The following CDH12 variants were observed in gnomAD, a reference collection of about 807,000 sequenced individuals.
CDH12 encodes cadherin-12.
CDH12 carries 41 observed loss-of-function variants against 74.1 expected under a neutral mutation model. The ratio of observed to expected loss-of-function variants is 0.55; its 90% CI spans 0.43 to 0.72. CDH12 has a LOEUF of 0.72. Among genes scored for constraint, CDH12 ranks in the 30% least tolerant of loss-of-function variants. The pLI is 0.00. For synonymous variants in CDH12, 399 were observed against 355.0 expected, an observed-to-expected ratio of 1.12 and a Z score of -1.39; for missense variants, 945 against 977.2, an observed-to-expected ratio of 0.97 and a Z score of 0.44.
intron 5 of CDH12, among the ~76,000 whole-genome samples, chr5:22,040,883 A>G (rs146871921): frequency 6.6e-6 from 1 of 152,266 alleles, no homozygotes; most frequent in African/African-American, 2.4e-5. Context: ...GAAAAAGTAA[A>G]TATGTGGCCA....
At chr5:21,827,589 A>G (rs1748752316) in intron 8 of CDH12, among the ~76,000 whole-genome samples, 1 of 152,176 alleles carries the variant, frequency 6.6e-6, no homozygotes, top group Non-Finnish European at 1.5e-5. Context: ...TAGTTCTACT[A>G]CTTATTATGT....
chr5:22,285,134 T>C (rs1326119025), intron 3 of CDH12, among the ~76,000 whole-genome samples: 1 of 152,122 alleles, frequency 6.6e-6, no homozygotes, highest in African/African-American at 2.4e-5. Context: ...CAAAGTGGGA[T>C]AGGGAGTGAG....
intron 4 of CDH12, among the ~76,000 whole-genome samples, chr5:22,199,713 T>C (rs1312371712): frequency 6.6e-6 from 1 of 152,180 alleles, no homozygotes; most frequent in Non-Finnish European, 1.5e-5. Context: ...CTGTTTACTT[T>C]TTGTTTGACA....
At chr5:22,842,120 T>G (rs2126524422) in intron 1 of CDH12, among the ~76,000 whole-genome samples, 1 of 152,274 alleles carries the variant, frequency 6.6e-6, no homozygotes. Context: ...CATAATAGCA[T>G]CCATGGAACT....
chr5:22,044,084 A>G (rs1739761420), intron 5 of CDH12, among the ~76,000 whole-genome samples: 1 of 152,200 alleles, frequency 6.6e-6, no homozygotes, highest in African/African-American at 2.4e-5. Context: ...ATAGAAAAAA[A>G]TCCTAAAAAT....
intron 5 of CDH12, among the ~76,000 whole-genome samples, chr5:22,069,951 T>A (rs1044061013): frequency 1.3e-5 from 2 of 152,170 alleles, no homozygotes; most frequent in African/African-American, 4.8e-5. Flanking sequence ...GCTGAGTTGC[T>A]TGCTGACAGC....
chr5:22,274,389 C>T (rs1736530595), intron 3 of CDH12, among the ~76,000 whole-genome samples: 1 of 152,072 alleles, frequency 6.6e-6, no homozygotes, highest in Non-Finnish European at 1.5e-5. Context: ...CACATATCCT[C>T]TTTTATTGTT....
rs755980720 is a variant in CDH12, at chr5:21,751,915, A to G, written c.2207T>C (p.Leu736Pro). The G allele has an allele frequency of 1.2e-6, 2 of 1,613,978 alleles. No individual in the cohort carries two copies. Among genetic ancestry groups the G allele is most frequent in the Admixed American group, 1.7e-5 (1 of 59,968 alleles). ...VDPTAPPYDS[L>P]ATYAYEGSGS... The stretch of plus-strand genomic sequence containing the variant: ...ACTCCCTTCGTAGGCATATGTGGCC[A>G]GTGAATCGTATGGTGGGGCAGTTGG... The change falls in exon 15 of 15, where the codon CTG (leucine) becomes CCG (proline). Residue 736 changes from leucine (L) to proline (P), a missense_variant. Physicochemically the swap from Leu to Pro is moderately conservative, Grantham distance 98. Around this residue, in one of 3 missense-constraint regions of CDH12, gnomAD observed 791 missense variants for 792.8 expected, o/e 1.00. Coordinates refer to ENST00000382254, the MANE Select transcript of CDH12 (RefSeq NM_004061.5).
intron 4 of CDH12, among the ~76,000 whole-genome samples, chr5:22,084,319 T>G (rs1561093087): frequency 6.6e-6 from 1 of 152,264 alleles, no homozygotes; most frequent in East Asian, 1.9e-4. Context: ...CAATTCTACA[T>G]TTGAGGATTG....
At chr5:22,540,298 CAA>C (rs1469276504) in intron 1 of CDH12, among the ~76,000 whole-genome samples, 3 of 151,832 alleles carry the variant, frequency 2.0e-5, no homozygotes, top group African/African-American at 4.8e-5. Context: ...AAATGTATTT[CAA>C]GAGAAAACTA....
At chr5:22,111,560 T>G (rs1443762828) in intron 4 of CDH12, among the ~76,000 whole-genome samples, 2 of 152,212 alleles carry the variant, frequency 1.3e-5, no homozygotes, top group African/African-American at 4.8e-5. Context: ...CACTTGAATA[T>G]TCCCTGCACA....
At chr5:22,733,293 A>G (rs1362541883) in intron 1 of CDH12, among the ~76,000 whole-genome samples, 1 of 151,950 alleles carries the variant, frequency 6.6e-6, no homozygotes, top group Admixed American at 6.6e-5. Context: ...AAAATGTGGT[A>G]TGACTTTCTT....
chr5:21,907,989 G>T (rs1261358697), intron 6 of CDH12, among the ~76,000 whole-genome samples: 5 of 152,182 alleles, frequency 3.3e-5, no homozygotes, highest in Non-Finnish European at 5.9e-5. Context: ...TGTGAAAGCT[G>T]TAACTATTAC....
chr5:22,346,907 A>G (rs1740140710), intron 3 of CDH12, among the ~76,000 whole-genome samples: 1 of 152,198 alleles, frequency 6.6e-6, no homozygotes, highest in South Asian at 2.1e-4. Flanking sequence ...AAAGAAAAAA[A>G]CCTAGAAGTG....
chr5:21,997,850 T>C (rs1458037370), intron 5 of CDH12, among the ~76,000 whole-genome samples: 4 of 152,278 alleles, frequency 2.6e-5, no homozygotes, highest in Admixed American at 2.6e-4. Flanking sequence ...CCTGATTATT[T>C]AGGATTGCCT....
At chr5:22,833,494 A>C (rs1448473045) in intron 1 of CDH12, among the ~76,000 whole-genome samples, 10 of 152,354 alleles carry the variant, frequency 6.6e-5, no homozygotes, top group African/African-American at 2.2e-4. Flanking sequence ...TAATTGATAC[A>C]AACATTGAGT....
intron 1 of CDH12, among the ~76,000 whole-genome samples, chr5:22,779,612 G>C (rs1054462600): frequency 1.3e-5 from 2 of 152,116 alleles, no homozygotes; most frequent in African/African-American, 4.8e-5. Context: ...TTGGATCATG[G>C]AGGCAGTTTC....
intron 2 of CDH12, among the ~76,000 whole-genome samples, chr5:22,466,776 CTTTTTTTTTTTTTTT>C (rs70959733): frequency 2.0e-5 from 1 of 50,968 alleles, no homozygotes; most frequent in South Asian, 1.1e-3. Context: ...CCTCAGGAAT[CTTTTTTTTTTTTTTT>C]TTTTTTTTTT....
At position 21,977,604 on chromosome 5, in the gene CDH12, T is replaced by A. The variant is rs552063307; in HGVS notation, c.232-2219A>T. Among the ~76,000 whole-genome samples the A allele has an allele frequency of 3.3e-5, 5 of 152,208 alleles. No homozygotes were observed. The East Asian group carries it at 9.7e-4, about 29-fold the overall frequency. ...AGAAAAAAGAAAAACAAAACAAAAA[T>A]TTCTGTATTTAGCTAAAATCATAAC... On this transcript the variant is annotated intron_variant, in intron 5 of 14. Transcript: ENST00000382254.
Sources: allele counts gnomAD v4.1 joint callset (sites outside exome capture counted in the v4.1 genomes callset), GRCh38; gene constraint gnomAD v4.1.1; regional missense constraint gnomAD v4.1.1; transcripts MANE v1.5; gene names NCBI Gene and HGNC (gene_info 2026-07-23, HGNC 2026-07-21).